CFAP95: variants seen among roughly 807,000 people sequenced by gnomAD.
CFAP95 encodes the protein cilia and flagella associated protein 95, also known as cilia- and flagella-associated protein 95.
chr9:69,843,628 TTCC>T, the CFAP95 span, among the ~76,000 whole-genome samples: 2,839 of 57,494 alleles, frequency 0.049, 363 homozygotes, highest in Middle Eastern at 0.083. Context: ...CTTCTTCTTC[TTCC>T]TCCTCCTCCT....
the CFAP95 span, among the ~76,000 whole-genome samples, chr9:69,851,572 A>G: frequency 6.6e-6 from 1 of 152,076 alleles, no homozygotes; most frequent in Admixed American, 6.6e-5. Flanking sequence ...CAACTAGAAG[A>G]GCCTTTTGTG....
At chr9:69,905,628 A>T in the CFAP95 span, among the ~76,000 whole-genome samples, 1 of 148,006 alleles carries the variant, frequency 6.8e-6, no homozygotes, top group African/African-American at 2.6e-5. Flanking sequence ...ATTAAATTAT[A>T]ATTGTTTTGG....
chr9:69,854,676 G>A, the CFAP95 span, among the ~76,000 whole-genome samples: 1 of 152,248 alleles, frequency 6.6e-6, no homozygotes, highest in African/African-American at 2.4e-5. Context: ...TGGCTGCAAT[G>A]AGCTCCTTGC....
chr9:69,824,436 A>C, the CFAP95 span, among the ~76,000 whole-genome samples: 3 of 152,212 alleles, frequency 2.0e-5, no homozygotes, highest in Admixed American at 2.0e-4. Flanking sequence ...AAAAAGGCAA[A>C]AAAATTTGAG....
chr9:69,843,397 C>G, the CFAP95 span, among the ~76,000 whole-genome samples: 2 of 150,582 alleles, frequency 1.3e-5, no homozygotes, highest in Non-Finnish European at 3.0e-5. Context: ...AGCCACTTCT[C>G]CTACTTTTTC....
chr9:69,890,078 A>G, the CFAP95 span, among the ~76,000 whole-genome samples: 6 of 152,294 alleles, frequency 3.9e-5, no homozygotes, highest in African/African-American at 1.4e-4. Context: ...ACCACAAGGA[A>G]AGAAACATAT....
the CFAP95 span, chr9:69,821,050 C>G: frequency 1.2e-6 from 2 of 1,610,218 alleles, no homozygotes; most frequent in Middle Eastern, 1.7e-4. Context: ...AGTCCCCTCG[C>G]AAGTTCCCGG....
chr9:69,837,774 G>C, the CFAP95 span, among the ~76,000 whole-genome samples: 3 of 152,288 alleles, frequency 2.0e-5, no homozygotes, highest in East Asian at 5.8e-4. Context: ...TGCTGCCATT[G>C]CTTTTGGTGT....
chr9:69,874,699 G>C, the CFAP95 span, among the ~76,000 whole-genome samples: 2 of 152,128 alleles, frequency 1.3e-5, no homozygotes, highest in Non-Finnish European at 2.9e-5. Flanking sequence ...TTACTGTCAC[G>C]GGAGAGTGAG....
chr9:69,857,429 G>T, the CFAP95 span, among the ~76,000 whole-genome samples: 1 of 152,180 alleles, frequency 6.6e-6, no homozygotes, highest in Non-Finnish European at 1.5e-5. Context: ...CCATTGACTT[G>T]TTGAGACATT....
the CFAP95 span, among the ~76,000 whole-genome samples, chr9:69,873,120 T>C: frequency 8.5e-5 from 13 of 152,130 alleles, no homozygotes; most frequent in Non-Finnish European, 1.8e-4. Context: ...AAACTTACAA[T>C]CAGTAGGTCT....
At chr9:69,872,093 A>G in the CFAP95 span, among the ~76,000 whole-genome samples, 1 of 152,228 alleles carries the variant, frequency 6.6e-6, no homozygotes, top group African/African-American at 2.4e-5. Context: ...TTTTTCATCC[A>G]GTAAGCACTA....
chr9:69,835,503 T>C, the CFAP95 span, among the ~76,000 whole-genome samples: 1 of 152,252 alleles, frequency 6.6e-6, no homozygotes, highest in Non-Finnish European at 1.5e-5. Context: ...ATATGCATAA[T>C]TACTCCCTCT....
the CFAP95 span, among the ~76,000 whole-genome samples, chr9:69,866,399 C>T: frequency 6.6e-6 from 1 of 152,174 alleles, no homozygotes; most frequent in Non-Finnish European, 1.5e-5. Context: ...ACTCCTGGTT[C>T]AATTCTGAAA....
At chr9:69,835,417 G>C in the CFAP95 span, among the ~76,000 whole-genome samples, 1 of 152,150 alleles carries the variant, frequency 6.6e-6, no homozygotes, top group Non-Finnish European at 1.5e-5. Flanking sequence ...TATGTATGTT[G>C]AAAGTTTTCT....
At chr9:69,891,928 T>C in the CFAP95 span, among the ~76,000 whole-genome samples, 1 of 152,198 alleles carries the variant, frequency 6.6e-6, no homozygotes, top group Non-Finnish European at 1.5e-5. Flanking sequence ...CTATGCCCTA[T>C]TTTAAGACCA....
the CFAP95 span, among the ~76,000 whole-genome samples, chr9:69,840,680 G>A: frequency 6.6e-6 from 1 of 151,856 alleles, no homozygotes; most frequent in African/African-American, 2.4e-5. Flanking sequence ...TATTTTATTT[G>A]GGTCTATATA....
the CFAP95 span, among the ~76,000 whole-genome samples, chr9:69,837,122 G>A: frequency 6.6e-6 from 1 of 151,786 alleles, no homozygotes; most frequent in Non-Finnish European, 1.5e-5. Flanking sequence ...TCTTAATCCA[G>A]TCTATCATTG....
chr9:69,823,959 G>C, the CFAP95 span, among the ~76,000 whole-genome samples: 1 of 152,244 alleles, frequency 6.6e-6, no homozygotes, highest in African/African-American at 2.4e-5. Context: ...AGTTAAGGCA[G>C]GAACTGGCCA....
Sources: gnomAD v4.1 joint callset for allele counts (sites outside exome capture counted in the v4.1 genomes callset) on GRCh38, gnomAD v4.1.1 for gene constraint, MANE v1.5 for transcripts, NCBI Gene and HGNC (gene_info 2026-07-23, HGNC 2026-07-21) for gene names.